Variants in BABAM2 observed in about 807,000 individuals in gnomAD.
BABAM2 encodes BRISC and BRCA1-A complex member 2.
A neutral mutation model predicts 54.7 loss-of-function variants in BABAM2; 31 were observed. That is an observed-to-expected ratio of 0.57 (90% CI 0.43 to 0.77). The LOEUF (loss-of-function observed/expected upper bound fraction) is 0.77, where lower values mean the gene tolerates loss of function less well. Among genes scored for constraint, BABAM2 ranks in the 30% least tolerant of loss-of-function variants. The pLI is 0.00. For synonymous variants in BABAM2, 167 were observed against 162.9 expected, an observed-to-expected ratio of 1.03 and a Z score of -0.19; for missense variants, 364 against 455.8, an observed-to-expected ratio of 0.80 and a Z score of 1.83.
At chr2:28,115,239 C>T (rs1668510153) in intron 6 of BABAM2, among the ~76,000 whole-genome samples, 1 of 149,200 alleles carries the variant, frequency 6.7e-6, no homozygotes, top group South Asian at 2.1e-4. Context: ...CAATCAAATA[C>T]TATCATATTT....
At chr2:28,209,123 C>T (rs1478833856) in intron 7 of BABAM2, among the ~76,000 whole-genome samples, 1 of 152,166 alleles carries the variant, frequency 6.6e-6, no homozygotes, top group Non-Finnish European at 1.5e-5. Context: ...CTCACTTATT[C>T]ACAGTTGCTG....
Position 27,929,881 on chromosome 2 carries a change from A to G in BABAM2, c.178A>G (p.Ile60Val), listed in dbSNP as rs1667970436. The change falls in exon 3 of 12, where the codon ATA (isoleucine) becomes GTA (valine). Residue 60 changes from isoleucine to valine, a missense_variant. Transcript: ENST00000379624. ...GPNCDRFKLH[I>V]PYAGETLKWD... ...CAACTGTGACCGATTTAAACTGCACATACCATATGCTGGAGAGACATTAAA... is the reference window on the plus strand; with the variant it reads ...CAACTGTGACCGATTTAAACTGCACGTACCATATGCTGGAGAGACATTAAA... 9 of 1,613,570 alleles carry G rather than the reference A, an allele frequency of 5.6e-6. No individual in the cohort carries two copies. The highest frequency in any genetic ancestry group is 7.6e-6 in the Non-Finnish European group (9 of 1,179,460).
chr2:28,135,548 A>C (rs1389724736), intron 7 of BABAM2, among the ~76,000 whole-genome samples: 3 of 152,132 alleles, frequency 2.0e-5, no homozygotes, highest in African/African-American at 7.2e-5. Context: ...CCCTGCTTAC[A>C]GATCTGCTTC....
At chr2:28,040,003 A>C (rs1283513478) in intron 5 of BABAM2, among the ~76,000 whole-genome samples, 3 of 152,154 alleles carry the variant, frequency 2.0e-5, no homozygotes, top group African/African-American at 7.2e-5. Flanking sequence ...GCGGCATCTA[A>C]ATGTCTCATT....
At chr2:28,018,713 G>A (rs1675028709) in intron 4 of BABAM2, among the ~76,000 whole-genome samples, 1 of 152,046 alleles carries the variant, frequency 6.6e-6, no homozygotes, top group Non-Finnish European at 1.5e-5. Context: ...AACTGAAGTG[G>A]TATTGTGTTA....
At chr2:28,188,196 G>C (rs1388420018) in intron 7 of BABAM2, among the ~76,000 whole-genome samples, 1 of 152,122 alleles carries the variant, frequency 6.6e-6, no homozygotes, top group Admixed American at 6.5e-5. Flanking sequence ...GCCATCATTT[G>C]TGAGCATGTA....
In BABAM2 at chr2:28,051,215, CA is replaced by C. The variant is rs1453714202; in HGVS notation, c.570+5420del. ...TGCAGTGCTGTTTTACACAGCTTCC[CA>C]AAATGTGCGTTTAATCTCAGAAAGG... On this transcript the variant is annotated intron_variant, in intron 6 of 11. Coordinates refer to ENST00000379624, the MANE Select transcript of BABAM2 (RefSeq NM_199191.3). Among the ~76,000 whole-genome samples the C allele has an allele frequency of 3.9e-5, 6 of 152,146 alleles. No individual in the cohort carries two copies. The East Asian group carries it at 1.2e-3, about 29-fold the overall frequency.
At chr2:28,184,285 T>TCC (rs70956004) in intron 7 of BABAM2, among the ~76,000 whole-genome samples, 22,845 of 101,226 alleles carry the variant, frequency 0.23, 3,860 homozygotes, top group East Asian at 0.65. Context: ...TCTCTCTCTC[T>TCC]CCCCCCCTCC....
intron 7 of BABAM2, among the ~76,000 whole-genome samples, chr2:28,174,703 T>C (rs1032280229): frequency 2.0e-5 from 3 of 152,158 alleles, no homozygotes; most frequent in Non-Finnish European, 4.4e-5. Flanking sequence ...CTTGAGACCA[T>C]GCTAGGGAAT....
At chr2:27,962,327 A>T (rs1032625126) in intron 3 of BABAM2, among the ~76,000 whole-genome samples, 2 of 152,100 alleles carry the variant, frequency 1.3e-5, no homozygotes, top group Admixed American at 6.6e-5. Flanking sequence ...GGTGGTCTCT[A>T]ACTCCTAGCT....
chr2:27,971,064 A>G (rs1189513564), intron 3 of BABAM2, among the ~76,000 whole-genome samples: 2 of 152,150 alleles, frequency 1.3e-5, no homozygotes, highest in Non-Finnish European at 2.9e-5. Flanking sequence ...ACTTGTTTAA[A>G]TTAAGTTGGT....
intron 2 of BABAM2, among the ~76,000 whole-genome samples, chr2:27,914,873 A>C (rs1408435331): frequency 1.3e-5 from 2 of 152,110 alleles, no homozygotes; most frequent in Non-Finnish European, 2.9e-5. Context: ...GTGATATAAA[A>C]ATTTCTTATT....
chr2:27,939,698 G>A (rs1292997215), intron 3 of BABAM2, among the ~76,000 whole-genome samples: 2 of 152,138 alleles, frequency 1.3e-5, no homozygotes, highest in Non-Finnish European at 2.9e-5. Context: ...TCTGCCCTCT[G>A]CAAGCAGATT....
intron 10 of BABAM2, among the ~76,000 whole-genome samples, chr2:28,246,284 A>G (rs1269222090): frequency 1.3e-5 from 2 of 152,138 alleles, no homozygotes; most frequent in South Asian, 2.1e-4. Context: ...CTGACCTTAT[A>G]TATCCTTGCT....
At chr2:28,234,926 A>G (rs1012488465) in intron 7 of BABAM2, among the ~76,000 whole-genome samples, 1 of 152,186 alleles carries the variant, frequency 6.6e-6, no homozygotes, top group Non-Finnish European at 1.5e-5. Context: ...TCCAATGCCT[A>G]CTCTAAGCGT....
chr2:28,163,133 G>A (rs1673267903), intron 7 of BABAM2, among the ~76,000 whole-genome samples: 1 of 152,100 alleles, frequency 6.6e-6, no homozygotes, highest in African/African-American at 2.4e-5. Context: ...AAAGACGGTG[G>A]TGTCATCTTT....
At chr2:28,096,306 C>T in intron 6 of BABAM2, among the ~76,000 whole-genome samples, 1 of 151,812 alleles carries the variant, frequency 6.6e-6, no homozygotes, top group East Asian at 1.9e-4. Context: ...AGCTTGGAAA[C>T]CTATTGTCAT....
intron 7 of BABAM2, among the ~76,000 whole-genome samples, chr2:28,168,291 C>T (rs1024984682): frequency 6.6e-6 from 1 of 152,164 alleles, no homozygotes; most frequent in African/African-American, 2.4e-5. Flanking sequence ...AAGTTATAGC[C>T]GTTGTCCAAA....
chr2:28,036,722 G>GAT (rs1451329799), intron 5 of BABAM2, among the ~76,000 whole-genome samples: 4 of 152,178 alleles, frequency 2.6e-5, no homozygotes, highest in Non-Finnish European at 5.9e-5. Context: ...GGTTTCATGA[G>GAT]ATCCCTCATA....
Sources: allele counts gnomAD v4.1 joint callset (sites outside exome capture counted in the v4.1 genomes callset), GRCh38; gene constraint gnomAD v4.1.1; transcripts MANE v1.5; gene names NCBI Gene and HGNC (gene_info 2026-07-23, HGNC 2026-07-21).